FOXO1: variants seen among roughly 807,000 people sequenced by gnomAD.
The protein encoded by FOXO1 is forkhead box O1.
Under a neutral mutation model 44.1 loss-of-function variants are expected in FOXO1, and 6 were observed. The ratio of observed to expected loss-of-function variants is 0.14; its 90% confidence interval spans 0.07 to 0.27. The LOEUF (loss-of-function observed/expected upper bound fraction) is 0.27, where lower values mean the gene tolerates loss of function less well. FOXO1 is among the 10% of genes least tolerant of loss of function. The pLI, the probability that FOXO1 is intolerant of heterozygous loss-of-function variation, is 1.00. For missense variants in FOXO1, 737 were observed against 888.8 expected (o/e 0.83, Z 2.17); for synonymous variants, 380 against 362.7 (o/e 1.05, Z -0.54).
At chr13:40,563,696 G>A (rs181947548) in intron 1 of FOXO1, among the ~76,000 whole-genome samples, 16 of 152,160 alleles carry the variant, frequency 1.1e-4, no homozygotes, top group Middle Eastern at 3.4e-3. Context: ...AGAGGCCAGG[G>A]AGTACATTTC....
chr13:40,573,702 C>T (rs1344525468), intron 1 of FOXO1, among the ~76,000 whole-genome samples: 5 of 151,998 alleles, frequency 3.3e-5, no homozygotes, highest in Non-Finnish European at 5.9e-5. Context: ...CAAAAGAAAA[C>T]GACAAACAAA....
intron 1 of FOXO1, among the ~76,000 whole-genome samples, chr13:40,625,356 T>C (rs1876752173): frequency 6.6e-6 from 1 of 152,130 alleles, no homozygotes; most frequent in Non-Finnish European, 1.5e-5. Flanking sequence ...TAAAAATAAA[T>C]ATGGGTATCA....
chr13:40,655,348 CAAAAA>C (rs1170592440), intron 1 of FOXO1, among the ~76,000 whole-genome samples: 81 of 94,554 alleles, frequency 8.6e-4, no homozygotes, highest in African/African-American at 3.1e-3. Flanking sequence ...GACCCCATCT[CAAAAA>C]AAAAAAAAAA....
At chr13:40,656,399 G>C (rs553831967) in intron 1 of FOXO1, among the ~76,000 whole-genome samples, 3 of 152,318 alleles carry the variant, frequency 2.0e-5, no homozygotes, top group African/African-American at 7.2e-5. Flanking sequence ...AAAAAAGCAA[G>C]ACTTAATTTA....
chr13:40,619,589 T>C (rs1184720168), intron 1 of FOXO1: 11 of 1,496,406 alleles, frequency 7.4e-6, no homozygotes, highest in East Asian at 6.8e-5. Context: ...AGAGATCATA[T>C]TACAAATAGG....
At chr13:40,567,119 A>G (rs1360493678) in intron 1 of FOXO1, among the ~76,000 whole-genome samples, 2 of 152,016 alleles carry the variant, frequency 1.3e-5, no homozygotes, top group African/African-American at 4.8e-5. Flanking sequence ...CCCTCAGCCT[A>G]TATGAAGACC....
chr13:40,561,338 T>G (rs1191083546), intron 1 of FOXO1, among the ~76,000 whole-genome samples: 1 of 113,544 alleles, frequency 8.8e-6, no homozygotes, highest in Non-Finnish European at 1.7e-5. Flanking sequence ...GGAGACAGAG[T>G]GAGACTCGAT....
intron 1 of FOXO1, among the ~76,000 whole-genome samples, chr13:40,626,356 A>G (rs1035755551): frequency 9.2e-5 from 14 of 152,254 alleles, no homozygotes; most frequent in Non-Finnish European, 1.8e-4. Flanking sequence ...ATGTTTTAAA[A>G]TAAGTGATAA....
At chr13:40,570,919 T>A (rs1461004461) in intron 1 of FOXO1, among the ~76,000 whole-genome samples, 1 of 152,200 alleles carries the variant, frequency 6.6e-6, no homozygotes, top group Non-Finnish European at 1.5e-5. Flanking sequence ...CAGCTCCAGA[T>A]CACAAGGCAT....
intron 1 of FOXO1, chr13:40,621,200 C>A: frequency 6.3e-6 from 4 of 633,390 alleles, no homozygotes; most frequent in East Asian, 5.3e-5. Context: ...GTGTTTGTAT[C>A]AGTGACCACA....
chr13:40,626,905 C>G (rs1876804986), intron 1 of FOXO1, among the ~76,000 whole-genome samples: 1 of 152,164 alleles, frequency 6.6e-6, no homozygotes, highest in South Asian at 2.1e-4. Flanking sequence ...CCACTGGGTC[C>G]CAAACTCCTA....
At chr13:40,640,374 C>G (rs1442253662) in intron 1 of FOXO1, among the ~76,000 whole-genome samples, 1 of 152,244 alleles carries the variant, frequency 6.6e-6, no homozygotes, top group Admixed American at 6.5e-5. Flanking sequence ...ACCACTGCCT[C>G]TGAACTACAC....
At chr13:40,580,210 A>G (rs1422812144) in intron 1 of FOXO1, among the ~76,000 whole-genome samples, 1 of 152,192 alleles carries the variant, frequency 6.6e-6, no homozygotes, top group Non-Finnish European at 1.5e-5. Flanking sequence ...AGCAGTTCCT[A>G]TCAAGTGGAA....
intron 1 of FOXO1, among the ~76,000 whole-genome samples, chr13:40,596,335 G>A (rs1409174381): frequency 2.0e-5 from 3 of 152,162 alleles, no homozygotes; most frequent in African/African-American, 7.2e-5. Flanking sequence ...TATCAGGAAC[G>A]CCTAACATTG....
chr13:40,557,721 T>C lies in FOXO1; in HGVS notation c.*1328A>G, dbSNP rs1873810634. The C allele has an allele frequency of 6.6e-6, 1 of 152,196 alleles. No individual in the cohort carries two copies. The allele number at this position is 152,196 out of a possible 1,614,324, so 9.4% of individuals were successfully genotyped here. ...CCTGGACTGAAACAAGAGCAAAGAATTATGAGGGGAAACTTTTGCTAAAGC... is the reference window on the plus strand; with the variant it reads ...CCTGGACTGAAACAAGAGCAAAGAACTATGAGGGGAAACTTTTGCTAAAGC... On this transcript the variant is annotated 3_prime_UTR_variant, in exon 3 of 3. Coordinates refer to ENST00000379561, the MANE Select transcript of FOXO1 (RefSeq NM_002015.4).
chr13:40,574,980 C>T (rs193209632), intron 1 of FOXO1, among the ~76,000 whole-genome samples: 1 of 152,130 alleles, frequency 6.6e-6, no homozygotes, highest in Admixed American at 6.6e-5. Flanking sequence ...AATGGTTATC[C>T]AATATATTGA....
chr13:40,561,592 G>T (rs536569768), intron 1 of FOXO1, among the ~76,000 whole-genome samples: 23 of 151,896 alleles, frequency 1.5e-4, no homozygotes, highest in African/African-American at 4.3e-4. Flanking sequence ...TTGAACCTGT[G>T]CCATTTACAT....
At chr13:40,632,984 C>T (rs1469003605) in intron 1 of FOXO1, among the ~76,000 whole-genome samples, 4 of 149,308 alleles carry the variant, frequency 2.7e-5, no homozygotes, top group Non-Finnish European at 5.9e-5. Flanking sequence ...AGAAGATATA[C>T]AAATAGCCAA....
chr13:40,589,061 G>A (rs899036189), intron 1 of FOXO1, among the ~76,000 whole-genome samples: 2 of 151,982 alleles, frequency 1.3e-5, no homozygotes, highest in Non-Finnish European at 2.9e-5. Context: ...GCCTGAGATC[G>A]AACGACTGCA....
Sources: gnomAD v4.1 joint callset for allele counts (sites outside exome capture counted in the v4.1 genomes callset) on GRCh38, gnomAD v4.1.1 for gene constraint, MANE v1.5 for transcripts, NCBI Gene and HGNC (gene_info 2026-07-23, HGNC 2026-07-21) for gene names.